Variants in THSD4 observed in about 807,000 individuals in gnomAD.
THSD4 encodes the protein thrombospondin type 1 domain containing 4.
A neutral mutation model predicts 119.0 loss-of-function variants in THSD4; 69 were observed. That is an observed-to-expected ratio of 0.58 (90% confidence interval 0.48 to 0.71). The LOEUF is 0.71. Ranked by LOEUF, THSD4 falls within the 30% of genes least tolerant of loss-of-function variation. The pLI, the probability that THSD4 is intolerant of heterozygous loss-of-function variation, is 0.00. For synonymous variants in THSD4, 524 were observed against 540.4 expected (o/e 0.97, Z 0.42); for missense variants, 1,393 against 1,391.1 (o/e 1.00, Z -0.02).
chr15:71,597,831 C>A (rs980938402), intron 7 of THSD4, among the ~76,000 whole-genome samples: 3 of 152,122 alleles, frequency 2.0e-5, no homozygotes, highest in Non-Finnish European at 2.9e-5. Flanking sequence ...CAGGGCCCTG[C>A]GATGTGTGTC....
rs2046797952 is a variant in THSD4, at chr15:71,420,919, G to T, written c.1152+9096G>T. On this transcript the variant is annotated intron_variant, in intron 7 of 17. Transcript: ENST00000261862. The stretch of plus-strand genomic sequence containing the variant: ...GTAAGAGTGGTGGCCAGGTGCAGTG[G>T]CTCACACCTGTAATCCTAGCACTTT... Among the ~76,000 whole-genome samples, 2 of 104,312 alleles carry T rather than the reference G, an allele frequency of 1.9e-5. 1 individual carries two copies. Among genetic ancestry groups the T allele is most frequent in the Non-Finnish European group, 4.1e-5 (2 of 48,216 alleles). The allele number at this position is 104,312 out of a possible 152,430, so 68.4% of individuals were successfully genotyped here. A position where few individuals can be genotyped will look rare whatever the true frequency, so the allele number is the denominator to read the frequency against.
At chr15:71,125,555 C>A (rs28613812) in intron 1 of THSD4, among the ~76,000 whole-genome samples, 1 of 152,176 alleles carries the variant, frequency 6.6e-6, no homozygotes, top group Non-Finnish European at 1.5e-5. Flanking sequence ...GTTTCCCCTC[C>A]CGGGTCACCA....
rs190361987 is a variant in THSD4, at chr15:71,399,043, G to C, written c.1016-12644G>C. On this transcript the variant is annotated intron_variant, in intron 6 of 17. Transcript: ENST00000261862. ...TGTTGGGGAGGTATGCCCCAGTGGT[G>C]CCATAGCTGTAGCCCATTGGCAGCA... Among the ~76,000 whole-genome samples, 46 of 152,212 alleles carry C rather than the reference G, an allele frequency of 3.0e-4. 1 individual carries two copies. Among genetic ancestry groups the C allele is most frequent in the Admixed American group, 2.6e-3 (40 of 15,290 alleles).
intron 16 of THSD4, among the ~76,000 whole-genome samples, chr15:71,768,276 C>CCAAAAAAAAAA (rs146202431): frequency 0.44 from 66,610 of 149,924 alleles, 18,405 homozygotes; most frequent in Non-Finnish European, 0.6. Flanking sequence ...ACAAAAAAAA[C>CCAAAAAAAAAA]CAAAAAAAAA....
In THSD4 at chr15:71,421,004, C is replaced by T. The variant is rs2096746386; in HGVS notation, c.1152+9181C>T. Among the ~76,000 whole-genome samples, 2 of 100,930 alleles carry T rather than the reference C, an allele frequency of 2.0e-5. 1 individual carries two copies. The highest frequency in any genetic ancestry group is 2.6e-4 in the Admixed American group (2 of 7,618). The allele number at this position is 100,930 out of a possible 152,430, so 66.2% of individuals were successfully genotyped here. A position where few individuals can be genotyped will look rare whatever the true frequency, so the allele number is the denominator to read the frequency against. On this transcript the variant is annotated intron_variant, in intron 7 of 17. Coordinates refer to ENST00000261862, the MANE Select transcript of THSD4 (RefSeq NM_024817.3). ...TCAACATGGTGAAACCCCATCTCTA[C>T]TAAAAATATAAAAATTACTTGGTTG... is the stretch of plus-strand genomic sequence containing the variant.
At chr15:71,368,249 A>T (rs1362761278) in intron 6 of THSD4, among the ~76,000 whole-genome samples, 2 of 152,040 alleles carry the variant, frequency 1.3e-5, no homozygotes, top group Admixed American at 6.6e-5. Context: ...GTTCACTCTG[A>T]TGGTTGTTTC....
At chr15:71,726,863 G>A (rs2052849924) in intron 8 of THSD4, among the ~76,000 whole-genome samples, 1 of 152,024 alleles carries the variant, frequency 6.6e-6, no homozygotes, top group Non-Finnish European at 1.5e-5. Flanking sequence ...CTTGAACCCA[G>A]GGGGCAGAGG....
chr15:71,327,833 C>G (rs2045366272), intron 6 of THSD4, among the ~76,000 whole-genome samples: 2 of 152,122 alleles, frequency 1.3e-5, no homozygotes, highest in African/African-American at 4.8e-5. Context: ...ATATAGTGAC[C>G]TGCTTGCAAA....
intron 7 of THSD4, among the ~76,000 whole-genome samples, chr15:71,600,021 C>G (rs976846072): frequency 1.3e-5 from 2 of 152,260 alleles, no homozygotes; most frequent in Non-Finnish European, 2.9e-5. Flanking sequence ...ATGACTCCAT[C>G]TGGTGAAAGC....
chr15:71,422,552 C>G (rs1396324967), intron 7 of THSD4, among the ~76,000 whole-genome samples: 4 of 152,192 alleles, frequency 2.6e-5, no homozygotes, highest in African/African-American at 7.2e-5. Flanking sequence ...TGGAGTCTCT[C>G]TCTGTGATAA....
intron 7 of THSD4, among the ~76,000 whole-genome samples, chr15:71,449,630 C>T (rs1221407020): frequency 6.8e-6 from 1 of 147,816 alleles, no homozygotes; most frequent in Non-Finnish European, 1.5e-5. Flanking sequence ...ATGAAAGTCA[C>T]ACAGGACAAT....
intron 6 of THSD4, among the ~76,000 whole-genome samples, chr15:71,320,404 G>A (rs2045250266): frequency 6.6e-6 from 1 of 152,112 alleles, no homozygotes; most frequent in Non-Finnish European, 1.5e-5. Flanking sequence ...TCACGAGCAG[G>A]TCCATTTTCC....
At chr15:71,429,395 T>C (rs1349385508) in intron 7 of THSD4, among the ~76,000 whole-genome samples, 2 of 152,230 alleles carry the variant, frequency 1.3e-5, no homozygotes, top group African/African-American at 4.8e-5. Flanking sequence ...TTTGAAATAC[T>C]GAATAGGACC....
At position 71,558,094 on chromosome 15, in the gene THSD4, G is replaced by A. The variant is rs1022999190; in HGVS notation, c.1153-102436G>A. Among the ~76,000 whole-genome samples the A allele has an allele frequency of 2.6e-5, 4 of 152,088 alleles. 1 individual carries two copies. Among genetic ancestry groups the A allele is most frequent in the Admixed American group, 6.5e-5 (1 of 15,268 alleles). On this transcript the variant is annotated intron_variant, in intron 7 of 17. Transcript: ENST00000261862. Reference sequence around the variant, plus strand: ...TGTAATCCCAGCACTTTGGGAGGTCGAGGTGGGCAGATCACTTGAGGTCAG... The same window carrying A: ...TGTAATCCCAGCACTTTGGGAGGTCAAGGTGGGCAGATCACTTGAGGTCAG...
chr15:71,776,753 A>T (rs1157474135), intron 17 of THSD4, among the ~76,000 whole-genome samples: 1 of 152,244 alleles, frequency 6.6e-6, no homozygotes. Flanking sequence ...TAAATTGTGG[A>T]TTATATACAC....
intron 1 of THSD4, among the ~76,000 whole-genome samples, chr15:71,125,050 G>A (rs2040441581): frequency 6.6e-6 from 1 of 151,998 alleles, no homozygotes; most frequent in Admixed American, 6.6e-5. Flanking sequence ...ATCCAACCTG[G>A]GTGACAGAGT....
At chr15:71,266,245 A>G (rs760592078) in intron 6 of THSD4, among the ~76,000 whole-genome samples, 2 of 152,186 alleles carry the variant, frequency 1.3e-5, no homozygotes, top group African/African-American at 2.4e-5. Flanking sequence ...CTCTGGGACA[A>G]AGCTTCCAGA....
intron 6 of THSD4, among the ~76,000 whole-genome samples, chr15:71,383,409 A>G (rs1240802120): frequency 6.6e-6 from 1 of 152,210 alleles, no homozygotes; most frequent in Non-Finnish European, 1.5e-5. Context: ...AGGCTTGAAT[A>G]CCATCATTTG....
At chr15:71,468,942 A>C (rs1219988384) in intron 7 of THSD4, among the ~76,000 whole-genome samples, 1 of 152,268 alleles carries the variant, frequency 6.6e-6, no homozygotes, top group Non-Finnish European at 1.5e-5. Context: ...GTTACAAAGT[A>C]GACTGGGAAA....
Sources: allele counts gnomAD v4.1 joint callset (sites outside exome capture counted in the v4.1 genomes callset), GRCh38; gene constraint gnomAD v4.1.1; transcripts MANE v1.5; gene names NCBI Gene and HGNC (gene_info 2026-07-23, HGNC 2026-07-21).